The following COBL variants were observed in gnomAD, a reference collection of about 807,000 sequenced individuals.
COBL encodes cordon-bleu WH2 repeat protein.
A neutral mutation model predicts 98.8 loss-of-function variants in COBL; 51 were observed. The ratio of observed to expected loss-of-function variants is 0.52; its 90% CI spans 0.41 to 0.65. The LOEUF is 0.65. COBL is among the 30% of genes least tolerant of loss of function. COBL has a pLI of 0.00. For missense variants in COBL, 1,617 were observed against 1,617.5 expected (o/e 1.00, Z 0.01); for synonymous variants, 634 against 651.7 (o/e 0.97, Z 0.41).
intron 1 of COBL, among the ~76,000 whole-genome samples, chr7:51,288,853 C>T (rs1800629751): frequency 8.5e-6 from 1 of 117,928 alleles, no homozygotes; most frequent in Admixed American, 9.6e-5. Flanking sequence ...TATGGAAATA[C>T]TCTTCTACCT....
chr7:51,019,584 T>A (rs1786719099), intron 12 of COBL, among the ~76,000 whole-genome samples: 1 of 152,196 alleles, frequency 6.6e-6, no homozygotes, highest in South Asian at 2.1e-4. Context: ...CAGCATTTGC[T>A]GGCCCTGAGG....
intron 7 of COBL, among the ~76,000 whole-genome samples, chr7:51,079,217 C>T (rs933318922): frequency 1.3e-5 from 2 of 152,126 alleles, no homozygotes; most frequent in Non-Finnish European, 2.9e-5. Context: ...AGGCTGGATG[C>T]TGAAATCCAC....
At chr7:51,076,308 C>G (rs988522191) in intron 7 of COBL, among the ~76,000 whole-genome samples, 2 of 152,204 alleles carry the variant, frequency 1.3e-5, no homozygotes, top group African/African-American at 4.8e-5. Context: ...GAGGACTGGT[C>G]CCAACCTAAG....
At chr7:51,299,233 G>A (rs779572567) in intron 1 of COBL, among the ~76,000 whole-genome samples, 5 of 152,178 alleles carry the variant, frequency 3.3e-5, no homozygotes, top group South Asian at 4.1e-4. Context: ...TAACGAATGC[G>A]TGAGCCAGCA....
chr7:51,170,828 C>T (rs532275046), intron 5 of COBL, among the ~76,000 whole-genome samples: 1 of 152,078 alleles, frequency 6.6e-6, no homozygotes, highest in East Asian at 1.9e-4. Context: ...GAGGAATACT[C>T]TCTGGTATTC....
chr7:51,200,931 A>G (rs1278338469), intron 2 of COBL, among the ~76,000 whole-genome samples: 1 of 152,146 alleles, frequency 6.6e-6, no homozygotes, highest in African/African-American at 2.4e-5. Flanking sequence ...ATGAAGAATG[A>G]TATTTCATGA....
At chr7:51,169,838 G>A (rs1295798963) in intron 5 of COBL, among the ~76,000 whole-genome samples, 1 of 152,168 alleles carries the variant, frequency 6.6e-6, no homozygotes, top group Non-Finnish European at 1.5e-5. Context: ...AACTAAGAGT[G>A]TAACTGAATT....
At chr7:51,108,886 C>T (rs1027822363) in intron 6 of COBL, among the ~76,000 whole-genome samples, 4 of 144,070 alleles carry the variant, frequency 2.8e-5, no homozygotes, top group Non-Finnish European at 6.2e-5. Context: ...ATCATGGAGC[C>T]GTCACACAAA....
At position 51,043,594 on chromosome 7, in the gene COBL, C is replaced by G. The variant is rs778480080; in HGVS notation, c.1195G>C (p.Ala399Pro). The G allele has an allele frequency of 6.2e-7, 1 of 1,614,210 alleles. No individual in the cohort carries two copies. Among genetic ancestry groups the G allele is most frequent in the Non-Finnish European group, 8.5e-7 (1 of 1,180,038 alleles). The change falls in exon 8 of 13, where the codon GCG (alanine) becomes CCG (proline). Residue 399 changes from alanine to proline, a missense_variant. By Grantham distance (27) the Ala-to-Pro change is conservative. Around this residue, in one of 3 missense-constraint regions of COBL, gnomAD observed 1,304 missense variants for 1,282.0 expected, o/e 1.02. Coordinates refer to ENST00000265136, the MANE Select transcript of COBL (RefSeq NM_015198.5). Reference sequence around the variant, plus strand: ...GAGTCCTCGGTCGTGTCCTCCGACGCAAAACAGCTGCCAACTGACACGGTC... The same window carrying G: ...GAGTCCTCGGTCGTGTCCTCCGACGGAAAACAGCTGCCAACTGACACGGTC... Reference protein sequence around the residue: ...EETVSVGSCFASEDTTEDSGV... With the variant: ...EETVSVGSCFPSEDTTEDSGV...
chr7:51,142,304 C>CA, intron 5 of COBL, among the ~76,000 whole-genome samples: 1 of 151,814 alleles, frequency 6.6e-6, no homozygotes, highest in Non-Finnish European at 1.5e-5. Context: ...TACCGTGTCA[C>CA]ACAAGCTCTC....
At position 51,278,347 on chromosome 7, in the gene COBL, G is replaced by A. The variant is rs1414443246; in HGVS notation, c.41+38246C>T. 3.3e-5 allele frequency among the ~76,000 whole-genome samples: 5 copies of A among 151,862 alleles called. No individual in the cohort carries two copies. The East Asian group carries it at 5.8e-4, about 18-fold the overall frequency. ...TGCAGGCCCCTCCTCCCAGCTGCCT[G>A]GGGAGACAAGCATGCTATATTTAGA... On this transcript the variant is annotated intron_variant, in intron 1 of 12. Transcript: ENST00000265136.
chr7:51,205,499 T>C (rs1470641682), intron 2 of COBL, among the ~76,000 whole-genome samples: 1 of 149,848 alleles, frequency 6.7e-6, no homozygotes, highest in Non-Finnish European at 1.5e-5. Flanking sequence ...TCTCACTCTA[T>C]ACAGAAAAAA....
intron 1 of COBL, among the ~76,000 whole-genome samples, chr7:51,259,121 C>T (rs1161082783): frequency 6.6e-6 from 1 of 151,992 alleles, no homozygotes; most frequent in African/African-American, 2.4e-5. Context: ...AACCCTGTCT[C>T]TACTAAAAAT....
intron 7 of COBL, among the ~76,000 whole-genome samples, chr7:51,056,085 A>G (rs1241074187): frequency 6.6e-6 from 1 of 152,234 alleles, no homozygotes; most frequent in Non-Finnish European, 1.5e-5. Flanking sequence ...GAGCTGAAAT[A>G]ATTACTTGCG....
intron 5 of COBL, among the ~76,000 whole-genome samples, chr7:51,138,658 A>T (rs1252473937): frequency 1.3e-5 from 2 of 151,870 alleles, no homozygotes; most frequent in Non-Finnish European, 2.9e-5. Context: ...ACATGCACAC[A>T]CTCACGCACA....
chr7:51,161,639 T>C (rs1786818755), intron 5 of COBL, among the ~76,000 whole-genome samples: 2 of 152,176 alleles, frequency 1.3e-5, no homozygotes, highest in South Asian at 4.1e-4. Flanking sequence ...GCTTGTTTTA[T>C]AAGGCAGTGA....
At chr7:51,203,631 G>GA (rs915845331) in intron 2 of COBL, among the ~76,000 whole-genome samples, 2 of 150,886 alleles carry the variant, frequency 1.3e-5, no homozygotes, top group African/African-American at 4.9e-5. Context: ...TAAAAAAAAA[G>GA]AAAAAAATGG....
At chr7:51,212,693 G>A (rs984721796) in intron 2 of COBL, among the ~76,000 whole-genome samples, 1 of 152,170 alleles carries the variant, frequency 6.6e-6, no homozygotes, top group East Asian at 1.9e-4. Flanking sequence ...CGTACTCATC[G>A]AGTATCCCTG....
In COBL at chr7:51,266,769, CAT is replaced by C. The variant is rs541931142; in HGVS notation, c.42-46827_42-46826del. Among the ~76,000 whole-genome samples the C allele has an allele frequency of 1.6e-3, 243 of 152,240 alleles. 1 individual carries two copies. The highest frequency in any genetic ancestry group is 3.8e-3 in the African/African-American group (156 of 41,550). On this transcript the variant is annotated intron_variant, in intron 1 of 12. Coordinates refer to ENST00000265136, the MANE Select transcript of COBL (RefSeq NM_015198.5). ...AGCACCCACACACAGTTTTTTTCCA[CAT>C]GTTTTTTGAGTGCTATGGACACCTA... is the stretch of plus-strand genomic sequence containing the variant.
Sources: allele counts gnomAD v4.1 joint callset (sites outside exome capture counted in the v4.1 genomes callset), GRCh38; gene constraint gnomAD v4.1.1; regional missense constraint gnomAD v4.1.1; transcripts MANE v1.5; gene names NCBI Gene and HGNC (gene_info 2026-07-23, HGNC 2026-07-21).